Variants in KAT7 observed in about 807,000 individuals in gnomAD.
KAT7 encodes lysine acetyltransferase 7, also known as histone acetyltransferase KAT7.
KAT7 carries 10 observed loss-of-function variants against 82.1 expected under a neutral mutation model. The ratio of observed to expected loss-of-function variants is 0.12; its 90% CI spans 0.08 to 0.21. The LOEUF (loss-of-function observed/expected upper bound fraction) is 0.21, where lower values mean the gene tolerates loss of function less well. Ranked by LOEUF, KAT7 falls within the 10% of genes least tolerant of loss-of-function variation. The pLI is 1.00. For synonymous variants in KAT7, 250 were observed against 262.5 expected (o/e 0.95, Z 0.46); for missense variants, 378 against 760.9 (o/e 0.50, Z 5.92).
intron 4 of KAT7, among the ~76,000 whole-genome samples, chr17:49,803,844 G>T (rs2074056527): frequency 6.7e-6 from 1 of 149,790 alleles, no homozygotes; most frequent in Non-Finnish European, 1.5e-5. Context: ...AAATTATGTT[G>T]TGTAAGCTTT....
At chr17:49,811,917 A>G (rs1408979870) in intron 7 of KAT7, among the ~76,000 whole-genome samples, 2 of 152,236 alleles carry the variant, frequency 1.3e-5, no homozygotes, top group East Asian at 3.8e-4. Flanking sequence ...AAAAATATTC[A>G]AGCTTAATAG....
intron 5 of KAT7, among the ~76,000 whole-genome samples, chr17:49,807,474 G>A (rs2074105765): frequency 6.6e-6 from 1 of 152,230 alleles, no homozygotes; most frequent in African/African-American, 2.4e-5. Flanking sequence ...GAGGCTGAAT[G>A]AAAGTAGGCC....
chr17:49,829,781 C>T lies in KAT7; in HGVS notation c.*2279C>T, dbSNP rs1658771584. 1 of 152,190 alleles carries T rather than the reference C, an allele frequency of 6.6e-6. No homozygotes were observed. Among genetic ancestry groups the T allele is most frequent in the African/African-American group, 2.4e-5 (1 of 41,432 alleles). The allele number at this position is 152,190 out of a possible 1,614,324, so 9.4% of individuals were successfully genotyped here. On this transcript the variant is annotated 3_prime_UTR_variant, in exon 15 of 15. Coordinates refer to ENST00000259021, the MANE Select transcript of KAT7 (RefSeq NM_007067.5). The stretch of plus-strand genomic sequence containing the variant: ...CTCGCTTTGCCATCCCACTTTACTC[C>T]CTAAAAATAAAAGGATTTATTATCT...
At chr17:49,804,727 T>A (rs962772137) in intron 4 of KAT7, among the ~76,000 whole-genome samples, 1 of 152,190 alleles carries the variant, frequency 6.6e-6, no homozygotes, top group Non-Finnish European at 1.5e-5. Context: ...GAGCCATGGT[T>A]GCACCACTGC....
chr17:49,819,898 A>G (rs1391577988), intron 9 of KAT7, among the ~76,000 whole-genome samples: 2 of 152,252 alleles, frequency 1.3e-5, no homozygotes, highest in Admixed American at 6.5e-5. Flanking sequence ...GGATTTACAT[A>G]TGACAAATTG....
At chr17:49,812,397 G>C (rs1467243130) in intron 7 of KAT7, among the ~76,000 whole-genome samples, 1 of 151,878 alleles carries the variant, frequency 6.6e-6, no homozygotes, top group Non-Finnish European at 1.5e-5. Flanking sequence ...GCTAATTTGT[G>C]TATTTTTAGT....
In KAT7 at chr17:49,788,765, C is replaced by A. The variant is rs2073840757; in HGVS notation, c.-70C>A. 6.5e-7 allele frequency: 1 copy of A among 1,530,830 alleles called. No homozygotes were observed. Among genetic ancestry groups the A allele is most frequent in the African/African-American group, 1.4e-5 (1 of 71,826 alleles). The allele number at this position is 1,530,830 out of a possible 1,614,324, so 94.8% of individuals were successfully genotyped here. A position where few individuals can be genotyped will look rare whatever the true frequency, so the allele number is the denominator to read the frequency against. Reference sequence around the variant, plus strand: ...CTGATACAGAGGCCGCCACGGAGCCCGCCGGAGCCACCGTTCCTGCTGCTG... The same window carrying A: ...CTGATACAGAGGCCGCCACGGAGCCAGCCGGAGCCACCGTTCCTGCTGCTG... On this transcript the variant is annotated 5_prime_UTR_variant, in exon 1 of 15. Transcript: ENST00000259021.
intron 4 of KAT7, 102 bp downstream of exon 4, chr17:49,798,660 T>TC (rs1169449153): frequency 1.6e-6 from 2 of 1,224,242 alleles, no homozygotes; most frequent in African/African-American, 3.0e-5. Context: ...CTTCTTAGGC[T>TC]CTTCAGTGGT....
At chr17:49,805,780 A>C (rs879922452) in intron 5 of KAT7, among the ~76,000 whole-genome samples, 10 of 152,218 alleles carry the variant, frequency 6.6e-5, no homozygotes, top group Non-Finnish European at 1.3e-4. Context: ...ACTTGCATAA[A>C]TATGTGATCT....
chr17:49,812,560 A>C (rs919795173), intron 7 of KAT7, among the ~76,000 whole-genome samples: 9 of 152,102 alleles, frequency 5.9e-5, no homozygotes, highest in Admixed American at 5.9e-4. Flanking sequence ...TTTTATTATA[A>C]ATGTATTAAT....
At chr17:49,803,975 C>A (rs1191137695) in intron 4 of KAT7, among the ~76,000 whole-genome samples, 1 of 151,140 alleles carries the variant, frequency 6.6e-6, no homozygotes, top group East Asian at 1.9e-4. Flanking sequence ...TAGCATTGTC[C>A]TATGACCCCT....
At position 49,811,483 on chromosome 17, in the gene KAT7, C is replaced by T. The variant is rs201996993; in HGVS notation, c.761C>T (p.Thr254Met). ...NRHATRHQAP[T>M]ERQLRYKEKV... is the part of the protein sequence containing the mutation. ...TCTCCTTTTTCCTTTTAGGCACCAA[C>T]GGAGAGACAGCTTCGATATAAGGAA... Residue 254 changes from threonine (T) to methionine (M), a missense_variant, in exon 7 of 15, where the codon ACG (threonine) becomes ATG (methionine). Thr to Met is a moderately conservative substitution (Grantham distance 81). Coordinates refer to ENST00000259021, the MANE Select transcript of KAT7 (RefSeq NM_007067.5). 7.5e-5 allele frequency: 112 copies of T among 1,501,470 alleles called. 1 individual carries two copies. The highest frequency in any genetic ancestry group is 3.4e-4 in the Admixed American group (16 of 46,384). 93.0% of individuals were successfully genotyped at this position (1,501,470 alleles called of 1,614,324 possible).
chr17:49,816,053 T>A, intron 8 of KAT7, 140 bp downstream of exon 8: 1 of 591,260 alleles, frequency 1.7e-6, no homozygotes, highest in Non-Finnish European at 3.0e-6. Flanking sequence ...CAGCTGTCCC[T>A]TTTTGGAGAC....
intron 7 of KAT7, chr17:49,814,887 T>A (rs1345197554): frequency 6.6e-6 from 1 of 152,194 alleles, no homozygotes; most frequent in Non-Finnish European, 1.5e-5. Flanking sequence ...TATGGTAATA[T>A]GTGTGTGAAA....
intron 7 of KAT7, among the ~76,000 whole-genome samples, chr17:49,812,690 T>C (rs1296752855): frequency 6.6e-6 from 1 of 152,162 alleles, no homozygotes; most frequent in African/African-American, 2.4e-5. Context: ...CACAGTCTTT[T>C]TCTTTTTCTT....
intron 1 of KAT7, among the ~76,000 whole-genome samples, chr17:49,791,685 C>T (rs181170076): frequency 2.0e-4 from 31 of 152,192 alleles, no homozygotes; most frequent in Non-Finnish European, 2.6e-4. Context: ...ACAAAATTCC[C>T]TATTTGTAGG....
At chr17:49,808,993 T>TAA in intron 5 of KAT7, 126 bp from the exon 6 acceptor site, 1 of 660,314 alleles carries the variant, frequency 1.5e-6, no homozygotes. Context: ...ATTGTGACAA[T>TAA]AAGTGTGAAG....
chr17:49,823,519 G>A, intron 12 of KAT7: 1 of 457,974 alleles, frequency 2.2e-6, no homozygotes, highest in South Asian at 2.6e-5. Context: ...AGGAGGTACA[G>A]AGGATGATAA....
intron 5 of KAT7, among the ~76,000 whole-genome samples, chr17:49,805,818 C>T (rs1016129785): frequency 2.0e-5 from 3 of 152,170 alleles, no homozygotes; most frequent in Non-Finnish European, 4.4e-5. Flanking sequence ...GTTCTCTTCT[C>T]ATAAATCTAT....
Sources: allele counts gnomAD v4.1 joint callset (sites outside exome capture counted in the v4.1 genomes callset), GRCh38; gene constraint gnomAD v4.1.1; transcripts MANE v1.5; gene names NCBI Gene and HGNC (gene_info 2026-07-23, HGNC 2026-07-21).